Variants in LOC128706665 observed in about 807,000 individuals in gnomAD.
chr20:10,429,605 C>T, the LOC128706665 span, among the ~76,000 whole-genome samples: 72,264 of 152,020 alleles, frequency 0.48, 18,107 homozygotes, highest in Non-Finnish European at 0.56. Context: ...CAAAAAGCAT[C>T]ATCTACTAAG....
chr20:10,420,756 T>A, the LOC128706665 span: 5 of 152,342 alleles, frequency 3.3e-5, no homozygotes, highest in Non-Finnish European at 7.3e-5. Flanking sequence ...AGCATCAGTG[T>A]ACCTAAGAAA....
the LOC128706665 span, among the ~76,000 whole-genome samples, chr20:10,432,347 C>T: frequency 8.5e-5 from 13 of 152,324 alleles, no homozygotes; most frequent in South Asian, 4.1e-4. Flanking sequence ...CTCTAAATCT[C>T]CTCAGAGTCT....
the LOC128706665 span, among the ~76,000 whole-genome samples, chr20:10,432,423 C>A: frequency 6.6e-6 from 1 of 152,158 alleles, no homozygotes; most frequent in Non-Finnish European, 1.5e-5. Context: ...GTGCAATCAC[C>A]CCTCAGTATT....
At chr20:10,425,999 T>C in the LOC128706665 span, among the ~76,000 whole-genome samples, 34 of 152,316 alleles carry the variant, frequency 2.2e-4, no homozygotes, top group African/African-American at 7.5e-4. Flanking sequence ...ATGTCTTTTG[T>C]TAAGTTTAGA....
the LOC128706665 span, among the ~76,000 whole-genome samples, chr20:10,425,819 C>T: frequency 1.3e-5 from 2 of 152,132 alleles, no homozygotes; most frequent in Non-Finnish European, 2.9e-5. Flanking sequence ...CCCTTCCTTA[C>T]CCTCTAATGT....
At chr20:10,427,952 T>C in the LOC128706665 span, among the ~76,000 whole-genome samples, 1 of 152,246 alleles carries the variant, frequency 6.6e-6, no homozygotes, top group Non-Finnish European at 1.5e-5. Flanking sequence ...GGAGTGGATC[T>C]GCAGTCAGAA....
chr20:10,421,416 CAAAA>C, the LOC128706665 span, among the ~76,000 whole-genome samples: 19,680 of 86,060 alleles, frequency 0.23, 1,316 homozygotes, highest in East Asian at 0.37. Context: ...GACTCCATCA[CAAAA>C]AAAAAAAAAA....
chr20:10,432,429 G>A, the LOC128706665 span, among the ~76,000 whole-genome samples: 1 of 152,162 alleles, frequency 6.6e-6, no homozygotes, highest in African/African-American at 2.4e-5. Context: ...TCACCCCTCA[G>A]TATTTGGGGG....
At chr20:10,427,717 CT>C in the LOC128706665 span, among the ~76,000 whole-genome samples, 1 of 152,134 alleles carries the variant, frequency 6.6e-6, no homozygotes, top group Non-Finnish European at 1.5e-5. Flanking sequence ...TTTCCTTTTT[CT>C]TTTCCAACTA....
chr20:10,423,865 C>T, the LOC128706665 span, among the ~76,000 whole-genome samples: 208 of 152,298 alleles, frequency 1.4e-3, 1 homozygote, highest in African/African-American at 4.7e-3. Context: ...AGACTCAGTA[C>T]AGTATTTCCT....
At chr20:10,433,805 A>G in the LOC128706665 span, among the ~76,000 whole-genome samples, 1 of 152,144 alleles carries the variant, frequency 6.6e-6, no homozygotes, top group Non-Finnish European at 1.5e-5. Flanking sequence ...TCGGCGTAGA[A>G]GGCGGCAGCG....
At chr20:10,416,478 TA>T in the LOC128706665 span, among the ~76,000 whole-genome samples, 3 of 150,354 alleles carry the variant, frequency 2.0e-5, no homozygotes, top group Non-Finnish European at 3.0e-5. Flanking sequence ...ACTTTAGCAT[TA>T]AAAAAAAACA....
chr20:10,423,021 C>T, the LOC128706665 span, among the ~76,000 whole-genome samples: 2 of 151,990 alleles, frequency 1.3e-5, no homozygotes, highest in Admixed American at 6.6e-5. Flanking sequence ...CTTCAAGTCA[C>T]ATTACTTTTA....
At chr20:10,432,853 T>C in the LOC128706665 span, among the ~76,000 whole-genome samples, 4 of 149,820 alleles carry the variant, frequency 2.7e-5, no homozygotes, top group African/African-American at 7.4e-5. Flanking sequence ...CCTCCTTCCA[T>C]GTACCTTAAA....
chr20:10,423,003 G>T, the LOC128706665 span, among the ~76,000 whole-genome samples: 3 of 151,954 alleles, frequency 2.0e-5, no homozygotes, highest in Non-Finnish European at 4.4e-5. Flanking sequence ...GAGCCACTGC[G>T]CCCGGCCCTT....
chr20:10,416,058 C>T, the LOC128706665 span, among the ~76,000 whole-genome samples: 1 of 152,194 alleles, frequency 6.6e-6, no homozygotes, highest in Non-Finnish European at 1.5e-5. Flanking sequence ...TCTATTAAAA[C>T]TCTTTCTTCC....
At chr20:10,431,161 T>C in the LOC128706665 span, among the ~76,000 whole-genome samples, 1 of 152,184 alleles carries the variant, frequency 6.6e-6, no homozygotes. Flanking sequence ...ACGAATCATA[T>C]ATAAAAATAG....
the LOC128706665 span, among the ~76,000 whole-genome samples, chr20:10,417,150 T>C: frequency 2.0e-5 from 3 of 148,760 alleles, no homozygotes; most frequent in East Asian, 2.0e-4. Context: ...ACTCGGGAGG[T>C]TGAAGCAGGA....
chr20:10,423,718 T>C, the LOC128706665 span, among the ~76,000 whole-genome samples: 1 of 152,208 alleles, frequency 6.6e-6, no homozygotes, highest in African/African-American at 2.4e-5. Context: ...ATTTTATGTA[T>C]ATTGTGCTTA....
Sources: gnomAD v4.1 joint callset for allele counts (sites outside exome capture counted in the v4.1 genomes callset) on GRCh38, gnomAD v4.1.1 for gene constraint, MANE v1.5 for transcripts.